KCNN3: variants seen among roughly 807,000 people sequenced by gnomAD.
KCNN3 encodes potassium calcium-activated channel subfamily N member 3.
Under a neutral mutation model 62.9 loss-of-function variants are expected in KCNN3, and 16 were observed. The ratio of observed to expected loss-of-function variants is 0.25; its 90% CI spans 0.17 to 0.39. The LOEUF (loss-of-function observed/expected upper bound fraction) is 0.39, where lower values mean the gene tolerates loss of function less well. Among genes scored for constraint, KCNN3 ranks in the 10% least tolerant of loss-of-function variants. The pLI is 1.00. For missense variants in KCNN3, 599 were observed against 949.4 expected, an observed-to-expected ratio of 0.63 and a Z score of 4.85; for synonymous variants, 370 against 389.2, an observed-to-expected ratio of 0.95 and a Z score of 0.58.
chr1:154,841,331 C>G (rs138701846), intron 1 of KCNN3, among the ~76,000 whole-genome samples: 1,561 of 152,316 alleles, frequency 0.01, 23 homozygotes, highest in African/African-American at 0.035. Context: ...AACCCTGGGA[C>G]AGTGGTTCCC....
chr1:154,861,788 G>A (rs912238430), intron 1 of KCNN3, among the ~76,000 whole-genome samples: 2 of 152,298 alleles, frequency 1.3e-5, no homozygotes, highest in South Asian at 2.1e-4. Flanking sequence ...GCTCATCCTC[G>A]TGATGAAACA....
chr1:154,738,218 A>C (rs1459407402), intron 3 of KCNN3, among the ~76,000 whole-genome samples: 1 of 152,168 alleles, frequency 6.6e-6, no homozygotes, highest in Non-Finnish European at 1.5e-5. Flanking sequence ...ACAGAGCTTT[A>C]GGGGTTTTGG....
chr1:154,820,179 C>A (rs1650831755), intron 2 of KCNN3, among the ~76,000 whole-genome samples: 1 of 152,210 alleles, frequency 6.6e-6, no homozygotes, highest in Admixed American at 6.5e-5. Context: ...ACCCTGCCAC[C>A]AGGCCGGAAC....
intron 7 of KCNN3, among the ~76,000 whole-genome samples, chr1:154,713,108 C>G (rs1700112614): frequency 6.6e-6 from 1 of 152,198 alleles, no homozygotes; most frequent in African/African-American, 2.4e-5. Flanking sequence ...ACCGTCTGGT[C>G]CTTGCTAGCA....
intron 3 of KCNN3, among the ~76,000 whole-genome samples, chr1:154,742,821 G>A (rs1700852994): frequency 6.6e-6 from 1 of 152,240 alleles, no homozygotes; most frequent in East Asian, 1.9e-4. Flanking sequence ...GTATGTCACA[G>A]CCTCTGCAGG....
intron 1 of KCNN3, among the ~76,000 whole-genome samples, chr1:154,842,953 A>G (rs1004262025): frequency 3.9e-5 from 6 of 152,218 alleles, no homozygotes; most frequent in Non-Finnish European, 8.8e-5. Flanking sequence ...CAGTAAGAGT[A>G]GTGACCTCAT....
At chr1:154,783,106 G>A (rs1391335190) in intron 2 of KCNN3, among the ~76,000 whole-genome samples, 10 of 151,954 alleles carry the variant, frequency 6.6e-5, no homozygotes, top group East Asian at 1.9e-4. Context: ...CCAGCTACTC[G>A]GGAGGCTGAG....
chr1:154,733,631 G>C, intron 3 of KCNN3, among the ~76,000 whole-genome samples: 1 of 152,298 alleles, frequency 6.6e-6, no homozygotes, highest in East Asian at 1.9e-4. Flanking sequence ...TCTCCCGGGG[G>C]TCTGGAGGGA....
At chr1:154,836,525 C>A (rs1256057339) in intron 1 of KCNN3, among the ~76,000 whole-genome samples, 3 of 152,254 alleles carry the variant, frequency 2.0e-5, no homozygotes, top group Non-Finnish European at 2.9e-5. Flanking sequence ...TGGGCCTCCC[C>A]TCCTGTGGGT....
At chr1:154,728,241 C>T (rs1413388276) in intron 4 of KCNN3, among the ~76,000 whole-genome samples, 3 of 152,212 alleles carry the variant, frequency 2.0e-5, no homozygotes, top group Non-Finnish European at 4.4e-5. Flanking sequence ...ACCTGTCTCA[C>T]ATGATGAAGA....
At chr1:154,785,807 G>A (rs967516263) in intron 2 of KCNN3, among the ~76,000 whole-genome samples, 6 of 151,744 alleles carry the variant, frequency 4.0e-5, no homozygotes, top group Non-Finnish European at 8.8e-5. Flanking sequence ...TGCGATGTTG[G>A]CCAGGCTGGT....
At chr1:154,737,207 G>GC (rs1491384084) in intron 3 of KCNN3, 1 of 17,318 alleles carries the variant, frequency 5.8e-5, no homozygotes, top group Non-Finnish European at 1.2e-4. Flanking sequence ...TAGAAAATTT[G>GC]GGGGGGGGGG....
chr1:154,822,314 G>T, intron 1 of KCNN3, 130 bp from the exon 2 acceptor site: 1 of 750,936 alleles, frequency 1.3e-6, no homozygotes, highest in Non-Finnish European at 2.3e-6. Context: ...CTAGGAGCAG[G>T]TGTAGCACAA....
rs1553231996 is a variant in KCNN3, at chr1:154,766,416, T to TTTTATATATATATA, written c.1448+5558_1448+5559insTATATATATATAAA. 4.3e-4 allele frequency among the ~76,000 whole-genome samples: 31 copies of TTTTATATATATATA among 71,802 alleles called. 1 individual carries two copies. Among genetic ancestry groups the TTTTATATATATATA allele is most frequent in the Non-Finnish European group, 7.2e-4 (26 of 35,920 alleles). The allele number at this position is 71,802 out of a possible 152,430, so 47.1% of individuals were successfully genotyped here. ...CCATTTATTAAATACTAGCCAGGCTTTATATATATATATATATATATATAT... is the reference window on the plus strand; with the variant it reads ...CCATTTATTAAATACTAGCCAGGCTTTTTATATATATATATATATATATATATATATATATATAT... On this transcript the variant is annotated intron_variant, in intron 3 of 7. Coordinates refer to ENST00000271915, the MANE Select transcript of KCNN3 (RefSeq NM_002249.6).
intron 3 of KCNN3, among the ~76,000 whole-genome samples, chr1:154,752,183 G>A (rs1003635414): frequency 6.6e-6 from 1 of 152,128 alleles, no homozygotes; most frequent in Non-Finnish European, 1.5e-5. Context: ...TGATTCCTTA[G>A]GTGAACTCTG....
At chr1:154,786,083 C>T (rs756584295) in intron 2 of KCNN3, among the ~76,000 whole-genome samples, 1 of 152,172 alleles carries the variant, frequency 6.6e-6, no homozygotes, top group Non-Finnish European at 1.5e-5. Context: ...CCATCTGAGC[C>T]GCATTCCTGT....
intron 3 of KCNN3, among the ~76,000 whole-genome samples, chr1:154,733,581 G>A (rs998183561): frequency 2.6e-5 from 4 of 152,138 alleles, no homozygotes; most frequent in South Asian, 2.1e-4. Flanking sequence ...CATATTCAGC[G>A]ATTTCCTCTA....
chr1:154,775,270 G>A (rs921442815), intron 2 of KCNN3, among the ~76,000 whole-genome samples: 22 of 152,144 alleles, frequency 1.4e-4, no homozygotes, highest in African/African-American at 5.1e-4. Context: ...TGGTGTGGGC[G>A]GGCGATGCTT....
rs1026457543 is a variant in KCNN3, at chr1:154,699,151, C to T, written c.*8825G>A. On this transcript the variant is annotated 3_prime_UTR_variant, in exon 8 of 8. Transcript: ENST00000271915. Reference sequence around the variant, plus strand: ...TCTTTGGTGACCTGAGAAAGTTTACCGTAACTCCATTCAAAACCTTCAGGC... The same window carrying T: ...TCTTTGGTGACCTGAGAAAGTTTACTGTAACTCCATTCAAAACCTTCAGGC... 6.7e-5 allele frequency: 10 copies of T among 148,956 alleles called. No individual in the cohort carries two copies. Among genetic ancestry groups the T allele is most frequent in the South Asian group, 2.1e-4 (1 of 4,718 alleles). 9.2% of individuals were successfully genotyped at this position (148,956 alleles called of 1,614,324 possible).
Sources: allele counts gnomAD v4.1 joint callset (sites outside exome capture counted in the v4.1 genomes callset), GRCh38; gene constraint gnomAD v4.1.1; transcripts MANE v1.5; gene names NCBI Gene and HGNC (gene_info 2026-07-23, HGNC 2026-07-21).